The following PDE11A variants were observed in gnomAD, a reference collection of about 807,000 sequenced individuals.
PDE11A encodes phosphodiesterase 11A, also known as dual 3',5'-cyclic-AMP and -GMP phosphodiesterase 11A.
Under a neutral mutation model 100.5 loss-of-function variants are expected in PDE11A, and 100 were observed. That is an observed-to-expected ratio of 1.00 (90% CI 0.85 to 1.18). PDE11A has a LOEUF of 1.18. Ranked by LOEUF, PDE11A falls within the 50% of genes most tolerant of loss-of-function variation. The pLI is 0.00. For synonymous variants in PDE11A, 381 were observed against 420.8 expected, an observed-to-expected ratio of 0.91 and a Z score of 1.16; for missense variants, 1,141 against 1,152.6, an observed-to-expected ratio of 0.99 and a Z score of 0.15.
intron 6 of PDE11A, among the ~76,000 whole-genome samples, chr2:177,829,132 A>G (rs2083270223): frequency 6.6e-6 from 1 of 152,124 alleles, no homozygotes; most frequent in South Asian, 2.1e-4. Context: ...TTTTTTTGAC[A>G]TAAGCATCCT....
At chr2:178,010,734 CA>C (rs2086265302) in intron 2 of PDE11A, among the ~76,000 whole-genome samples, 1 of 152,038 alleles carries the variant, frequency 6.6e-6, no homozygotes, top group Non-Finnish European at 1.5e-5. Context: ...TATGATCTCC[CA>C]AAATGACAAA....
chr2:177,983,147 T>C (rs994552791), intron 2 of PDE11A, among the ~76,000 whole-genome samples: 5 of 150,058 alleles, frequency 3.3e-5, no homozygotes, highest in African/African-American at 4.8e-5. Flanking sequence ...CCTTTGACAG[T>C]ATTAAGTAAT....
intron 10 of PDE11A, among the ~76,000 whole-genome samples, chr2:177,751,391 G>A (rs1013912794): frequency 1.3e-5 from 2 of 152,076 alleles, no homozygotes; most frequent in African/African-American, 2.4e-5. Context: ...GACTAATAGC[G>A]CTTCCTCACA....
At chr2:178,072,891 G>A (rs1469752027), upstream of PDE11A, 12 of 1,132,368 alleles carry the variant, frequency 1.1e-5, no homozygotes, top group Non-Finnish European at 1.2e-5. Context: ...ACCAGCCAAA[G>A]TCCACGGCCC....
At chr2:177,742,688 T>C (rs1304780786) in intron 10 of PDE11A, among the ~76,000 whole-genome samples, 1 of 152,158 alleles carries the variant, frequency 6.6e-6, no homozygotes, top group Non-Finnish European at 1.5e-5. Flanking sequence ...GTCCACCCCT[T>C]GGCAGGCTGT....
At chr2:177,986,830 C>CAAA (rs57382231) in intron 2 of PDE11A, among the ~76,000 whole-genome samples, 1 of 94,630 alleles carries the variant, frequency 1.1e-5, no homozygotes, top group African/African-American at 4.0e-5. Context: ...GACTCCATCT[C>CAAA]AAAAAAAAAA....
At chr2:177,669,705 C>T in intron 17 of PDE11A, 138 bp from the exon 18 acceptor site, 2 of 663,014 alleles carry the variant, frequency 3.0e-6, no homozygotes, top group Admixed American at 2.3e-5. Context: ...GTATATTAAC[C>T]TTTCATGTTT....
chr2:177,738,917 C>G (rs538594624), intron 10 of PDE11A, among the ~76,000 whole-genome samples: 3 of 152,328 alleles, frequency 2.0e-5, no homozygotes, highest in Admixed American at 2.0e-4. Context: ...TAATAGAGAC[C>G]ACATGAGTTG....
intron 3 of PDE11A, among the ~76,000 whole-genome samples, chr2:177,898,450 A>C (rs1184387527): frequency 6.6e-6 from 1 of 152,214 alleles, no homozygotes; most frequent in Non-Finnish European, 1.5e-5. Context: ...TCAAAACCTA[A>C]GCTATTGGAA....
chr2:177,789,827 T>G (rs2105532902), intron 9 of PDE11A, among the ~76,000 whole-genome samples: 1 of 152,222 alleles, frequency 6.6e-6, no homozygotes. Context: ...GAACCCAACT[T>G]ACAAGGGATG....
Position 177,742,639 on chromosome 2 carries a change from C to G in PDE11A, c.1789-14467G>C, listed in dbSNP as rs1424730574. On this transcript the variant is annotated intron_variant, in intron 10 of 19. Transcript: ENST00000286063. ...GGACTCTCTGAAGGGCCGGACAGAA[C>G]AGAAACTGTGTTTGCCTCATTTTTG... Among the ~76,000 whole-genome samples the G allele has an allele frequency of 2.0e-5, 3 of 152,296 alleles. No homozygotes were observed. The East Asian group carries it at 5.8e-4, about 29-fold the overall frequency.
chr2:178,008,824 C>A (rs1260894763), intron 2 of PDE11A, among the ~76,000 whole-genome samples: 1 of 152,108 alleles, frequency 6.6e-6, no homozygotes, highest in Non-Finnish European at 1.5e-5. Context: ...GGCTGCATCC[C>A]AGCTTTATGG....
intron 19 of PDE11A, among the ~76,000 whole-genome samples, chr2:177,638,376 G>T (rs1212693224): frequency 6.6e-6 from 1 of 151,996 alleles, no homozygotes. Context: ...TATCTTCCAT[G>T]ACCCCTTAAT....
At chr2:177,942,998 C>T (rs566304205) in intron 2 of PDE11A, among the ~76,000 whole-genome samples, 1 of 152,296 alleles carries the variant, frequency 6.6e-6, no homozygotes, top group Admixed American at 6.5e-5. Context: ...TCTTATTTCA[C>T]TTAGCATAAT....
intron 5 of PDE11A, among the ~76,000 whole-genome samples, chr2:177,871,032 A>G (rs1045871195): frequency 2.0e-5 from 3 of 152,192 alleles, no homozygotes; most frequent in Non-Finnish European, 2.9e-5. Context: ...GGAGCCATCA[A>G]TACTCATGAC....
At chr2:178,000,836 A>T (rs948382365) in intron 2 of PDE11A, among the ~76,000 whole-genome samples, 9 of 152,208 alleles carry the variant, frequency 5.9e-5, no homozygotes, top group African/African-American at 1.7e-4. Flanking sequence ...TCACACACAC[A>T]CACAAAAGTA....
At chr2:178,060,649 C>T (rs1185024412) in intron 1 of PDE11A, among the ~76,000 whole-genome samples, 1 of 152,100 alleles carries the variant, frequency 6.6e-6, no homozygotes, top group Admixed American at 6.5e-5. Context: ...TGATGCACTC[C>T]ACCATTTCCC....
At chr2:178,073,091 G>A (rs1236575725), upstream of PDE11A, 8 of 985,140 alleles carry the variant, frequency 8.1e-6, no homozygotes, top group Admixed American at 4.3e-4. Flanking sequence ...AGGAGGCCCA[G>A]CGGGAGCCCA....
At chr2:177,634,684 G>C (rs762461762) in intron 19 of PDE11A, among the ~76,000 whole-genome samples, 73 of 152,206 alleles carry the variant, frequency 4.8e-4, no homozygotes, top group Middle Eastern at 3.4e-3. Flanking sequence ...CACCGCGCCC[G>C]GCCGACTTAT....
Sources: gnomAD v4.1 joint callset for allele counts (sites outside exome capture counted in the v4.1 genomes callset) on GRCh38, gnomAD v4.1.1 for gene constraint, MANE v1.5 for transcripts, NCBI Gene and HGNC (gene_info 2026-07-23, HGNC 2026-07-21) for gene names.